The following NDNF variants were observed in gnomAD, a reference collection of about 807,000 sequenced individuals.
NDNF encodes protein NDNF.
In NDNF, 16 loss-of-function variants were observed where a neutral mutation model predicts 42.0. The ratio of observed to expected loss-of-function variants is 0.38; its 90% CI spans 0.26 to 0.58. NDNF has a LOEUF of 0.58. Ranked by LOEUF, NDNF falls within the 20% of genes least tolerant of loss-of-function variation. The probability of loss-of-function intolerance (pLI) is 0.67; values close to 1 mark genes in which losing one functional copy is unlikely to be tolerated. For synonymous variants in NDNF, 248 were observed against 251.7 expected (o/e 0.99, Z 0.14); for missense variants, 616 against 666.2 (o/e 0.92, Z 0.83).
intron 1 of NDNF, among the ~76,000 whole-genome samples, chr4:121,066,985 T>C (rs979339204): frequency 2.0e-5 from 3 of 152,260 alleles, no homozygotes; most frequent in Non-Finnish European, 4.4e-5. Flanking sequence ...CTATTTGTGA[T>C]ATTAGCTGAA....
intron 1 of NDNF, among the ~76,000 whole-genome samples, chr4:121,052,705 A>C (rs1660017537): frequency 6.6e-6 from 1 of 152,160 alleles, no homozygotes; most frequent in African/African-American, 2.4e-5. Flanking sequence ...TTTAATACTG[A>C]ATGTCCAACA....
intron 1 of NDNF, among the ~76,000 whole-genome samples, chr4:121,050,754 T>G (rs1177430987): frequency 6.6e-6 from 1 of 152,130 alleles, no homozygotes; most frequent in Non-Finnish European, 1.5e-5. Context: ...AAAGGCCTTC[T>G]TCACATTTGG....
rs368156568 is a variant in NDNF at position 121,039,677 on chromosome 4, AG to A, written c.313+252del. On this transcript the variant is annotated intron_variant, in intron 3 of 3. Coordinates refer to ENST00000379692, the MANE Select transcript of NDNF (RefSeq NM_024574.4). The stretch of plus-strand genomic sequence containing the variant: ...AGGCAAGATTGCAAACCACAGCCAT[AG>A]AGGCTAGTCCAAACCTCTCCCCTTC... Among the ~76,000 whole-genome samples the A allele has an allele frequency of 6.6e-4, 101 of 152,260 alleles. No individual in the cohort carries two copies. In the East Asian group the frequency reaches 0.016, roughly 24 times the overall value.
At chr4:121,050,994 G>A (rs78250317) in intron 1 of NDNF, among the ~76,000 whole-genome samples, 4,956 of 152,142 alleles carry the variant, frequency 0.033, 260 homozygotes, top group African/African-American at 0.11. Flanking sequence ...TTTATATGGT[G>A]TATGAATATA....
At chr4:121,046,249 G>A (rs1727090315) in intron 1 of NDNF, among the ~76,000 whole-genome samples, 1 of 152,114 alleles carries the variant, frequency 6.6e-6, no homozygotes, top group Non-Finnish European at 1.5e-5. Flanking sequence ...TATACCAATG[G>A]TTGGTTGGTA....
chr4:121,064,743 G>A (rs1311886007), intron 1 of NDNF, among the ~76,000 whole-genome samples: 2 of 151,978 alleles, frequency 1.3e-5, no homozygotes, highest in African/African-American at 4.8e-5. Flanking sequence ...CGTGTGCGTG[G>A]GTTTGTGTGG....
intron 1 of NDNF, among the ~76,000 whole-genome samples, chr4:121,061,889 C>T (rs1359038063): frequency 6.6e-6 from 1 of 152,168 alleles, no homozygotes; most frequent in East Asian, 1.9e-4. Context: ...GCCTCTTAAT[C>T]CCCTTCAAGC....
chr4:121,048,582 G>A (rs567172512), intron 1 of NDNF, among the ~76,000 whole-genome samples: 3 of 152,344 alleles, frequency 2.0e-5, no homozygotes, highest in East Asian at 3.9e-4. Context: ...GCTCACGCCC[G>A]TAATCCCAGC....
intron 1 of NDNF, among the ~76,000 whole-genome samples, chr4:121,060,714 T>C (rs151181408): frequency 1.3e-5 from 2 of 151,646 alleles, no homozygotes; most frequent in East Asian, 1.9e-4. Flanking sequence ...TTGAATAGAG[T>C]AAAAAAAGTG....
chr4:121,035,748 A>G lies in NDNF; in HGVS notation c.*516T>C, dbSNP rs1033521363. The stretch of plus-strand genomic sequence containing the variant: ...CAACAAACAAGAATTTACAATAGCA[A>G]TATAACTGACTAGAGGGCTATCAAC... On this transcript the variant is annotated 3_prime_UTR_variant, in exon 4 of 4. Coordinates refer to ENST00000379692, the MANE Select transcript of NDNF (RefSeq NM_024574.4). 1 of 152,674 alleles carries G rather than the reference A, an allele frequency of 6.5e-6. No homozygotes were observed. Among genetic ancestry groups the G allele is most frequent in the Non-Finnish European group, 1.5e-5 (1 of 68,062 alleles). 9.5% of individuals were successfully genotyped at this position (152,674 alleles called of 1,614,324 possible).
intron 1 of NDNF, among the ~76,000 whole-genome samples, chr4:121,050,321 A>T (rs1579315053): frequency 6.6e-6 from 1 of 152,192 alleles, no homozygotes; most frequent in African/African-American, 2.4e-5. Context: ...TTTTTCTAAG[A>T]TTACAAAAGT....
At position 121,068,186 on chromosome 4, in the gene NDNF, T is replaced by C. The variant is rs1378150416; in HGVS notation, c.-2+3807A>G. On this transcript the variant is annotated intron_variant, in intron 1 of 3. Transcript: ENST00000379692. ...CAACAGCAGCAAAGTATTTACTTTT[T>C]TTTTCTAGGAGGAAATTAACATGGA... 3.3e-5 allele frequency among the ~76,000 whole-genome samples: 5 copies of C among 152,364 alleles called. No homozygotes were observed. The East Asian group carries it at 9.6e-4, about 29-fold the overall frequency.
chr4:121,059,986 T>C lies in NDNF; in HGVS notation c.-2+12007A>G, dbSNP rs1579320083. Among the ~76,000 whole-genome samples the C allele has an allele frequency of 2.0e-5, 3 of 152,280 alleles. No homozygotes were observed. The East Asian group carries it at 5.8e-4, about 29-fold the overall frequency. ...ACCTATAATCTGGTAATAGCAGCAG[T>C]AGGATTTTCATCTCTAGGATTTTGT... On this transcript the variant is annotated intron_variant, in intron 1 of 3. Transcript: ENST00000379692.
At chr4:121,049,653 T>A (rs189123202) in intron 1 of NDNF, among the ~76,000 whole-genome samples, 3 of 152,210 alleles carry the variant, frequency 2.0e-5, no homozygotes, top group African/African-American at 7.2e-5. Flanking sequence ...AGCTTCTATT[T>A]ATTAAACTAT....
intron 1 of NDNF, among the ~76,000 whole-genome samples, chr4:121,047,081 TA>T (rs991926345): frequency 3.3e-5 from 5 of 152,232 alleles, no homozygotes; most frequent in African/African-American, 1.2e-4. Context: ...GTTTTATTTT[TA>T]AATGGACATT....
intron 2 of NDNF, among the ~76,000 whole-genome samples, chr4:121,040,702 GC>G (rs1471490085): frequency 1.3e-5 from 2 of 152,152 alleles, no homozygotes; most frequent in Non-Finnish European, 2.9e-5. Flanking sequence ...GAGTGCAGTG[GC>G]GTGGTCATAG....
At chr4:121,050,368 T>C (rs1384334260) in intron 1 of NDNF, among the ~76,000 whole-genome samples, 2 of 152,216 alleles carry the variant, frequency 1.3e-5, no homozygotes, top group Non-Finnish European at 1.5e-5. Context: ...TCATTTCTTT[T>C]TGTTACTTCT....
intron 1 of NDNF, among the ~76,000 whole-genome samples, chr4:121,046,353 T>A (rs575123870): frequency 1.3e-5 from 2 of 152,346 alleles, no homozygotes; most frequent in South Asian, 4.1e-4. Context: ...CAGAAAATTA[T>A]CACTGCTCAA....
At position 121,035,736 on chromosome 4, in the gene NDNF, T is replaced by A. The variant is rs1211585347; in HGVS notation, c.*528A>T. The A allele has an allele frequency of 6.6e-6, 1 of 152,604 alleles. No individual in the cohort carries two copies. The highest frequency in any genetic ancestry group is 1.5e-5 in the Non-Finnish European group (1 of 68,046). 9.5% of individuals were successfully genotyped at this position (152,604 alleles called of 1,614,324 possible). A position where few individuals can be genotyped will look rare whatever the true frequency, so the allele number is the denominator to read the frequency against. ...AAACATTTTACTCAACAAACAAGAATTTACAATAGCAATATAACTGACTAG... is the reference window on the plus strand; with the variant it reads ...AAACATTTTACTCAACAAACAAGAAATTACAATAGCAATATAACTGACTAG... On this transcript the variant is annotated 3_prime_UTR_variant, in exon 4 of 4. Coordinates refer to ENST00000379692, the MANE Select transcript of NDNF (RefSeq NM_024574.4).
Sources: allele counts gnomAD v4.1 joint callset (sites outside exome capture counted in the v4.1 genomes callset), GRCh38; gene constraint gnomAD v4.1.1; transcripts MANE v1.5; gene names NCBI Gene and HGNC (gene_info 2026-07-23, HGNC 2026-07-21).